Variants in LDHC observed in about 807,000 individuals in gnomAD.
LDHC encodes lactate dehydrogenase C.
In LDHC, 20 loss-of-function variants were observed where a neutral mutation model predicts 30.2. The observed-to-expected ratio is 0.66, with a 90% CI of 0.47 to 0.96. The LOEUF (loss-of-function observed/expected upper bound fraction) is 0.96, where lower values mean the gene tolerates loss of function less well. Ranked by LOEUF, LDHC falls within the 40% of genes least tolerant of loss-of-function variation. The pLI is 0.00. For synonymous variants in LDHC, 139 were observed against 132.7 expected (o/e 1.05, Z -0.32); for missense variants, 362 against 394.9 (o/e 0.92, Z 0.71).
At chr11:18,449,986 G>A (rs1848628686) in intron 7 of LDHC, 3 of 151,780 alleles carry the variant, frequency 2.0e-5, no homozygotes, top group Admixed American at 2.0e-4. Context: ...CCAAAGAGAG[G>A]GGTAAAGAGT....
chr11:18,434,690 T>A (rs774706797), intron 4 of LDHC, 50 bp from the exon 5 acceptor site: 2 of 1,237,394 alleles, frequency 1.6e-6, no homozygotes, highest in African/African-American at 3.0e-5. Flanking sequence ...AAAAAAAAAT[T>A]TTTTTAAGTT....
chr11:18,414,849 C>T (rs990566445), intron 2 of LDHC, among the ~76,000 whole-genome samples: 4 of 151,328 alleles, frequency 2.6e-5, no homozygotes, highest in African/African-American at 9.8e-5. Flanking sequence ...ACAAAAAACA[C>T]AAAAATAAAG....
intron 6 of LDHC, among the ~76,000 whole-genome samples, chr11:18,439,507 G>C (rs2658548): frequency 0.75 from 107,864 of 144,680 alleles, 40,159 homozygotes; most frequent in East Asian, 0.89. Context: ...AGGTTGCAGT[G>C]AGCCAAGACA....
At chr11:18,423,677 A>T (rs544961728) in intron 3 of LDHC, among the ~76,000 whole-genome samples, 1 of 152,320 alleles carries the variant, frequency 6.6e-6, no homozygotes, top group Non-Finnish European at 1.5e-5. Context: ...TTAAACACAA[A>T]GACACAAAAA....
At chr11:18,420,594 G>C (rs1867103434) in intron 3 of LDHC, among the ~76,000 whole-genome samples, 1 of 136,284 alleles carries the variant, frequency 7.3e-6, no homozygotes, top group South Asian at 2.3e-4. Context: ...TGAGGCAGAA[G>C]GATCACTTTG....
intron 3 of LDHC, among the ~76,000 whole-genome samples, chr11:18,417,485 C>A (rs528534658): frequency 3.3e-5 from 5 of 152,282 alleles, no homozygotes; most frequent in African/African-American, 9.6e-5. Flanking sequence ...CCTCGAATTC[C>A]CAGGCTCAGG....
chr11:18,441,850 G>T (rs1264709191), intron 6 of LDHC, among the ~76,000 whole-genome samples: 1 of 152,086 alleles, frequency 6.6e-6, no homozygotes, highest in African/African-American at 2.4e-5. Flanking sequence ...AGGTTGCTGT[G>T]AGTTGAGGTT....
chr11:18,425,150 G>A (rs12807225), intron 3 of LDHC, among the ~76,000 whole-genome samples: 10,037 of 152,072 alleles, frequency 0.066, 389 homozygotes, highest in Non-Finnish European at 0.082. Context: ...GGCTTCCAAG[G>A]TGTTGACAAT....
chr11:18,443,888 G>C (rs1203542404), intron 6 of LDHC, among the ~76,000 whole-genome samples: 1 of 152,146 alleles, frequency 6.6e-6, no homozygotes. Flanking sequence ...ATCACTATTG[G>C]TCCTCTCAAC....
In LDHC at chr11:18,433,505, C is replaced by A. The variant is rs547692759; in HGVS notation, c.419-1235C>A. Among the ~76,000 whole-genome samples the A allele has an allele frequency of 3.9e-5, 6 of 152,186 alleles. 2 individuals carry two copies. Among genetic ancestry groups the A allele is most frequent in the African/African-American group, 1.4e-4 (6 of 41,520 alleles). ...AGTGGTGGCTTGGTAATGGCAAATT[C>A]TCTCAGCATTTGTTTGTCTGAAAAT... On this transcript the variant is annotated intron_variant, in intron 4 of 7. Coordinates refer to ENST00000541669, the MANE Select transcript of LDHC (RefSeq NM_017448.5).
intron 3 of LDHC, among the ~76,000 whole-genome samples, chr11:18,421,036 T>C (rs1848038260): frequency 6.6e-6 from 1 of 152,084 alleles, no homozygotes; most frequent in Non-Finnish European, 1.5e-5. Flanking sequence ...TGTAATTTCT[T>C]TTTCTTTTTC....
chr11:18,413,638 T>C (rs1171345643), intron 2 of LDHC, among the ~76,000 whole-genome samples: 1 of 151,782 alleles, frequency 6.6e-6, no homozygotes, highest in Non-Finnish European at 1.5e-5. Context: ...AATTTTTATA[T>C]TTTTAGTAGA....
intron 5 of LDHC, among the ~76,000 whole-genome samples, chr11:18,436,402 A>G (rs539974554): frequency 1.3e-5 from 2 of 151,412 alleles, no homozygotes; most frequent in African/African-American, 2.4e-5. Flanking sequence ...TACCTTATAA[A>G]TGGTTATCTA....
intron 4 of LDHC, among the ~76,000 whole-genome samples, chr11:18,430,831 C>T (rs564917539): frequency 2.6e-5 from 4 of 152,014 alleles, no homozygotes; most frequent in East Asian, 1.9e-4. Context: ...GAGTAACATA[C>T]GTGGGTTATA....
chr11:18,413,903 A>C (rs1195115244), intron 2 of LDHC, among the ~76,000 whole-genome samples: 1 of 152,266 alleles, frequency 6.6e-6, no homozygotes, highest in Non-Finnish European at 1.5e-5. Flanking sequence ...GTAAGCAGAA[A>C]AAGACGAAAT....
intron 6 of LDHC, among the ~76,000 whole-genome samples, chr11:18,439,325 G>C (rs1848413949): frequency 6.6e-6 from 1 of 152,130 alleles, no homozygotes; most frequent in South Asian, 2.1e-4. Flanking sequence ...CGCTTTGGGA[G>C]GCCAAGGCGG....
intron 3 of LDHC, among the ~76,000 whole-genome samples, chr11:18,419,312 A>G (rs1210099510): frequency 6.6e-6 from 1 of 152,242 alleles, no homozygotes; most frequent in African/African-American, 2.4e-5. Context: ...TTGTCTGCCA[A>G]CAGTAGTTTA....
chr11:18,437,402 A>G (rs1011619638), intron 5 of LDHC, among the ~76,000 whole-genome samples: 4 of 152,134 alleles, frequency 2.6e-5, no homozygotes, highest in African/African-American at 9.7e-5. Flanking sequence ...TTTGAAACCT[A>G]TTTTTATGTA....
intron 2 of LDHC, among the ~76,000 whole-genome samples, chr11:18,413,462 T>C (rs1337192183): frequency 9.4e-5 from 13 of 137,802 alleles, no homozygotes; most frequent in South Asian, 7.1e-4. Flanking sequence ...GTTCTCTCTT[T>C]TTTTTTTTTT....
Sources: gnomAD v4.1 joint callset for allele counts (sites outside exome capture counted in the v4.1 genomes callset) on GRCh38, gnomAD v4.1.1 for gene constraint, MANE v1.5 for transcripts, NCBI Gene and HGNC (gene_info 2026-07-23, HGNC 2026-07-21) for gene names.